The following S100Z variants were observed in gnomAD, a reference collection of about 807,000 sequenced individuals.
S100Z encodes protein S100-Z.
Under a neutral mutation model 8.5 loss-of-function variants are expected in S100Z, and 11 were observed. The ratio of observed to expected loss-of-function variants is 1.30; its 90% CI spans 0.82 to 2.15. The LOEUF is 2.15. Ranked by LOEUF, S100Z falls within the 30% of genes most tolerant of loss-of-function variation. The pLI is 0.00. For missense variants in S100Z, 126 were observed against 117.9 expected, an observed-to-expected ratio of 1.07 and a Z score of -0.32; for synonymous variants, 34 against 43.8, an observed-to-expected ratio of 0.78 and a Z score of 0.89.
chr5:76,880,766 GT>G (rs968885893), intron 4 of S100Z, among the ~76,000 whole-genome samples: 10 of 152,250 alleles, frequency 6.6e-5, no homozygotes, highest in African/African-American at 2.4e-4. Flanking sequence ...CTATCCTTGA[GT>G]TTTTTTATGT....
chr5:76,901,954 C>T (rs1050872482), intron 4 of S100Z, among the ~76,000 whole-genome samples: 4 of 152,114 alleles, frequency 2.6e-5, no homozygotes, highest in Non-Finnish European at 5.9e-5. Flanking sequence ...GGGTTCTTTC[C>T]TTCAAGGCAG....
chr5:76,908,705 T>G (rs1744542330), intron 4 of S100Z, among the ~76,000 whole-genome samples: 3 of 152,194 alleles, frequency 2.0e-5, no homozygotes, highest in African/African-American at 7.2e-5. Flanking sequence ...ATCCTTCCTA[T>G]TCATATAAAT....
the S100Z span, among the ~76,000 whole-genome samples, chr5:76,943,147 G>C: frequency 6.6e-6 from 1 of 152,114 alleles, no homozygotes; most frequent in Non-Finnish European, 1.5e-5. Flanking sequence ...ATGGTGGCTG[G>C]AACCGGGTCA....
intron 1 of S100Z, among the ~76,000 whole-genome samples, chr5:76,868,107 C>T (rs1334592323): frequency 6.6e-6 from 1 of 152,196 alleles, no homozygotes; most frequent in Non-Finnish European, 1.5e-5. Flanking sequence ...GTGTCTCTAG[C>T]CTGACAGATT....
intron 2 of S100Z, among the ~76,000 whole-genome samples, chr5:76,870,570 C>T (rs1490875606): frequency 1.3e-5 from 2 of 152,060 alleles, no homozygotes; most frequent in Non-Finnish European, 2.9e-5. Context: ...CAGTAAGATT[C>T]CTGAGTAAAA....
At position 76,870,500 on chromosome 5, in the gene S100Z, A is replaced by T. The variant is rs115102187; in HGVS notation, c.-57+216A>T. The stretch of plus-strand genomic sequence containing the variant: ...GCGGGTGGAGCTACCTTGCTGGAGC[A>T]GTCTCACAGAACCCCTCTGAAGGGC... On this transcript the variant is annotated intron_variant, in intron 2 of 4. Transcript: ENST00000317593. Among the ~76,000 whole-genome samples, 628 of 152,330 alleles carry T rather than the reference A, an allele frequency of 4.1e-3. 3 individuals are homozygous for T. Among genetic ancestry groups the T allele is most frequent in the African/African-American group, 0.014 (597 of 41,572 alleles).
chr5:76,864,415 T>TTTTTA (rs1751192438), intron 1 of S100Z, among the ~76,000 whole-genome samples: 1 of 117,360 alleles, frequency 8.5e-6, no homozygotes, highest in East Asian at 3.0e-4. Flanking sequence ...TTTTTTTTTT[T>TTTTTA]TTTTGAGATG....
intron 4 of S100Z, among the ~76,000 whole-genome samples, chr5:76,919,200 A>G (rs575347628): frequency 7.6e-4 from 116 of 152,310 alleles, no homozygotes; most frequent in Non-Finnish European, 1.5e-3. Flanking sequence ...ATTTAGGTAA[A>G]TATCAAGGGA....
intron 1 of S100Z, among the ~76,000 whole-genome samples, chr5:76,862,807 G>A (rs577230842): frequency 6.6e-5 from 10 of 151,882 alleles, no homozygotes; most frequent in South Asian, 2.1e-4. Context: ...TGACCCCATC[G>A]CGAAACAACA....
chr5:76,908,190 A>G (rs1010211627), intron 4 of S100Z, among the ~76,000 whole-genome samples: 14 of 152,272 alleles, frequency 9.2e-5, no homozygotes, highest in African/African-American at 3.1e-4. Context: ...AGTTGGGAAC[A>G]TTGGTTTACC....
chr5:76,947,230 C>T, the S100Z span, among the ~76,000 whole-genome samples: 5 of 151,822 alleles, frequency 3.3e-5, no homozygotes, highest in African/African-American at 1.2e-4. Context: ...AAGAAGTCTT[C>T]GTGTCCTGAT....
chr5:76,881,972 G>A (rs529575852), intron 4 of S100Z, among the ~76,000 whole-genome samples: 1 of 152,182 alleles, frequency 6.6e-6, no homozygotes, highest in Admixed American at 6.5e-5. Flanking sequence ...CTTGCATAGT[G>A]AGGAAACCTC....
intron 1 of S100Z, among the ~76,000 whole-genome samples, chr5:76,851,347 G>T (rs148023793): frequency 6.6e-6 from 1 of 152,318 alleles, no homozygotes; most frequent in African/African-American, 2.4e-5. Flanking sequence ...CTCCCAGCAG[G>T]CAGGGGAGGC....
At chr5:76,943,249 C>T in the S100Z span, among the ~76,000 whole-genome samples, 1,637 of 152,132 alleles carry the variant, frequency 0.011, 37 homozygotes, top group African/African-American at 0.038. Flanking sequence ...AGGGCATCTC[C>T]CTGTATGTGG....
chr5:76,950,662 AAGTAAT>A, the S100Z span, among the ~76,000 whole-genome samples: 65 of 152,334 alleles, frequency 4.3e-4, no homozygotes, highest in African/African-American at 1.5e-3. Context: ...AAATATTTGA[AAGTAAT>A]GGAGGTTAAC....
At chr5:76,867,143 CT>C in intron 1 of S100Z, among the ~76,000 whole-genome samples, 1 of 152,242 alleles carries the variant, frequency 6.6e-6, no homozygotes, top group Middle Eastern at 3.4e-3. Flanking sequence ...AAAATACACA[CT>C]TTGGTAAGTT....
chr5:76,876,524 A>G (rs1001484538), intron 3 of S100Z, among the ~76,000 whole-genome samples: 2 of 151,880 alleles, frequency 1.3e-5, no homozygotes, highest in African/African-American at 4.8e-5. Flanking sequence ...ATGCACCACG[A>G]CACCCAGCTA....
the S100Z span, among the ~76,000 whole-genome samples, chr5:76,950,240 G>A: frequency 6.6e-6 from 1 of 152,168 alleles, no homozygotes; most frequent in African/African-American, 2.4e-5. Context: ...ATTATCACAG[G>A]TCATATTACA....
intron 4 of S100Z, among the ~76,000 whole-genome samples, chr5:76,889,522 T>C (rs1003907208): frequency 1.3e-5 from 2 of 152,212 alleles, no homozygotes; most frequent in African/African-American, 4.8e-5. Context: ...CACTAAAACA[T>C]GAAAAGTAAA....
Sources: allele counts gnomAD v4.1 joint callset (sites outside exome capture counted in the v4.1 genomes callset), GRCh38; gene constraint gnomAD v4.1.1; transcripts MANE v1.5; gene names NCBI Gene and HGNC (gene_info 2026-07-23, HGNC 2026-07-21).